RNF217: variants seen among roughly 807,000 people sequenced by gnomAD.
RNF217 encodes E3 ubiquitin-protein ligase RNF217.
Under a neutral mutation model 57.8 loss-of-function variants are expected in RNF217, and 31 were observed. The observed-to-expected ratio is 0.54, with a 90% confidence interval of 0.40 to 0.72. The LOEUF (loss-of-function observed/expected upper bound fraction) is 0.72. RNF217 is among the 30% of genes least tolerant of loss of function. The pLI is 0.00. For missense variants in RNF217, 696 were observed against 708.3 expected, an observed-to-expected ratio of 0.98 and a Z score of 0.20; for synonymous variants, 313 against 294.0, an observed-to-expected ratio of 1.06 and a Z score of -0.66.
intron 2 of RNF217, among the ~76,000 whole-genome samples, chr6:125,049,156 A>G (rs1430867963): frequency 6.6e-6 from 1 of 152,026 alleles, no homozygotes; most frequent in African/African-American, 2.4e-5. Flanking sequence ...GCTTATCAAT[A>G]TAGAGAACAA....
Position 125,082,473 on chromosome 6 carries a change from A to T in RNF217, c.1556-391A>T, listed in dbSNP as rs369691588. On this transcript the variant is annotated intron_variant, in intron 5 of 5. Coordinates refer to ENST00000521654, the MANE Select transcript of RNF217 (RefSeq NM_001286398.3). ...GTTGAGGAAATTAAGACTTACTGGA[A>T]CCTCATAAGTGGTAGAACCAGGAAT... The T allele has an allele frequency of 3.1e-6, 5 of 1,611,934 alleles. No homozygotes were observed.
At chr6:125,014,902 C>G (rs1785547803) in intron 1 of RNF217, among the ~76,000 whole-genome samples, 1 of 152,110 alleles carries the variant, frequency 6.6e-6, no homozygotes, top group Non-Finnish European at 1.5e-5. Context: ...CCCAAAGCCC[C>G]TTCCTAATAA....
At chr6:125,019,321 T>A (rs1785733663) in intron 1 of RNF217, among the ~76,000 whole-genome samples, 1 of 152,138 alleles carries the variant, frequency 6.6e-6, no homozygotes, top group Non-Finnish European at 1.5e-5. Flanking sequence ...AGAGATTGAC[T>A]TCCTATTACA....
chr6:125,021,856 A>G (rs1785854299), intron 1 of RNF217, among the ~76,000 whole-genome samples: 1 of 152,066 alleles, frequency 6.6e-6, no homozygotes, highest in East Asian at 1.9e-4. Context: ...AGCCATTCCC[A>G]GGATTGTCAT....
chr6:125,008,342 A>C (rs933423729), intron 1 of RNF217, among the ~76,000 whole-genome samples: 2 of 152,220 alleles, frequency 1.3e-5, no homozygotes, highest in Admixed American at 1.3e-4. Flanking sequence ...GTTGACCACA[A>C]GTAAGTGAAA....
chr6:124,970,374 G>A (rs1783719638), intron 1 of RNF217, among the ~76,000 whole-genome samples: 1 of 152,164 alleles, frequency 6.6e-6, no homozygotes, highest in Admixed American at 6.5e-5. Context: ...AATATATTGT[G>A]AAGTTAGAAC....
chr6:125,035,560 T>C (rs899347259), intron 1 of RNF217, among the ~76,000 whole-genome samples: 4 of 152,244 alleles, frequency 2.6e-5, no homozygotes, highest in African/African-American at 9.6e-5. Context: ...GTTCTGGATA[T>C]ACAAAACTTG....
intron 2 of RNF217, among the ~76,000 whole-genome samples, chr6:125,051,980 G>T (rs1381956233): frequency 6.6e-6 from 1 of 152,010 alleles, no homozygotes; most frequent in African/African-American, 2.4e-5. Context: ...TGGATTTACA[G>T]GAAGAGTCTG....
chr6:124,983,298 G>C (rs2115020168), intron 1 of RNF217: 1 of 882,714 alleles, frequency 1.1e-6, no homozygotes, highest in African/African-American at 1.8e-5. Flanking sequence ...GAGACAATCA[G>C]ATTCTGGTAA....
intron 1 of RNF217, chr6:125,009,118 T>C (rs748391543): frequency 3.4e-5 from 33 of 980,896 alleles, no homozygotes; most frequent in Non-Finnish European, 4.0e-5. Flanking sequence ...GAAATGTATG[T>C]ATAAAGGGAT....
Position 125,081,504 on chromosome 6 carries a change from A to G in RNF217, c.1552A>G (p.Ile518Val), listed in dbSNP as rs1004461160. Reference protein sequence around the residue: ...GLALGAIAVVIGLFVFPIYCL... With the variant: ...GLALGAIAVVVGLFVFPIYCL... ...GGCACTAGGGGCCATAGCGGTTGTA[A>G]TCGGTAAGAAACACTTCATGCATCT... The change falls in exon 5 of 6, where the codon ATC becomes GTC. Residue 518 changes from isoleucine (I) to valine (V), a missense_variant. This residue lies in a region of RNF217 where 231 missense variants were observed against 321.4 expected (regional missense o/e 0.72). Coordinates refer to ENST00000521654, the MANE Select transcript of RNF217 (RefSeq NM_001286398.3). 1.9e-6 allele frequency: 3 copies of G among 1,609,418 alleles called. No homozygotes were observed. Among genetic ancestry groups the G allele is most frequent in the Admixed American group, 3.3e-5 (2 of 59,764 alleles).
intron 1 of RNF217, among the ~76,000 whole-genome samples, chr6:125,042,495 G>A (rs1233898412): frequency 1.3e-5 from 2 of 152,048 alleles, no homozygotes; most frequent in Non-Finnish European, 2.9e-5. Context: ...CAGTGTAGTA[G>A]GATAGGGATT....
intron 1 of RNF217, chr6:124,983,628 C>T (rs1267455849): frequency 3.0e-6 from 1 of 331,996 alleles, no homozygotes; most frequent in East Asian, 1.7e-4. Flanking sequence ...GTTTTCACCC[C>T]TAGTGAAATT....
intron 1 of RNF217, among the ~76,000 whole-genome samples, chr6:124,991,740 G>A (rs1336381280): frequency 1.3e-5 from 2 of 152,132 alleles, no homozygotes; most frequent in Admixed American, 6.6e-5. Flanking sequence ...GGGATTTTAT[G>A]TTATAAATAG....
intron 1 of RNF217, chr6:125,009,465 A>C: frequency 2.1e-6 from 1 of 475,320 alleles, no homozygotes; most frequent in Non-Finnish European, 3.7e-6. Flanking sequence ...AAAGAATGTA[A>C]GAAGGCAGAA....
chr6:124,976,451 G>A (rs1187687634), intron 1 of RNF217, among the ~76,000 whole-genome samples: 2 of 150,952 alleles, frequency 1.3e-5, no homozygotes, highest in African/African-American at 2.4e-5. Flanking sequence ...TGTATTTTTA[G>A]TAGAGATGGG....
chr6:125,021,686 T>A (rs1467990659), intron 1 of RNF217, among the ~76,000 whole-genome samples: 1 of 152,198 alleles, frequency 6.6e-6, no homozygotes, highest in Non-Finnish European at 1.5e-5. Flanking sequence ...AGTATTAGGA[T>A]GGTAAGACAA....
chr6:125,033,266 C>T (rs1171245709), intron 1 of RNF217, among the ~76,000 whole-genome samples: 3 of 148,060 alleles, frequency 2.0e-5, no homozygotes, highest in Admixed American at 6.8e-5. Context: ...CATATGTATA[C>T]ATGTGCCATG....
intron 3 of RNF217, among the ~76,000 whole-genome samples, chr6:125,060,338 G>A (rs1043362132): frequency 2.1e-5 from 3 of 142,540 alleles, no homozygotes; most frequent in Admixed American, 1.4e-4. Context: ...AATTTTGTTA[G>A]GAAAGTATAT....
Sources: gnomAD v4.1 joint callset for allele counts (sites outside exome capture counted in the v4.1 genomes callset) on GRCh38, gnomAD v4.1.1 for gene constraint, gnomAD v4.1.1 regional missense constraint, MANE v1.5 for transcripts, NCBI Gene and HGNC (gene_info 2026-07-23, HGNC 2026-07-21) for gene names.